The following CHODL variants were observed in gnomAD, a reference collection of about 807,000 sequenced individuals.
CHODL encodes chondrolectin, also known as transmembrane protein MT75.
CHODL carries 29 observed loss-of-function variants against 34.5 expected under a neutral mutation model. The observed-to-expected ratio is 0.84, with a 90% CI of 0.63 to 1.15. The LOEUF (loss-of-function observed/expected upper bound fraction) is 1.15. Among genes scored for constraint, CHODL ranks in the 50% most tolerant of loss-of-function variants. CHODL has a pLI of 0.00. For synonymous variants in CHODL, 125 were observed against 116.1 expected, an observed-to-expected ratio of 1.08 and a Z score of -0.49; for missense variants, 332 against 332.5, an observed-to-expected ratio of 1.00 and a Z score of 0.01.
chr21:18,221,638 A>C (rs1421739308), intron 2 of CHODL, among the ~76,000 whole-genome samples: 1 of 152,186 alleles, frequency 6.6e-6, no homozygotes, highest in Non-Finnish European at 1.5e-5. Context: ...ATTTGGCTAT[A>C]AGCAACACAC....
At chr21:18,043,015 GT>G (rs1234426558) in intron 2 of CHODL, among the ~76,000 whole-genome samples, 3 of 151,932 alleles carry the variant, frequency 2.0e-5, no homozygotes, top group Non-Finnish European at 2.9e-5. Context: ...ATTATTTGCT[GT>G]TCTGGAGAAA....
chr21:18,220,795 A>G lies in CHODL; in HGVS notation c.-44-35714A>G, dbSNP rs563140810. Among the ~76,000 whole-genome samples, 10 of 151,322 alleles carry G rather than the reference A, an allele frequency of 6.6e-5. No individual in the cohort carries two copies. In the South Asian group the frequency reaches 2.1e-3, roughly 31 times the overall value. ...TGATAATCCTTTTGTATGTGATTTG[A>G]TGCTTTTCTTTTGCTGTTTTTAGAA... On this transcript the variant is annotated intron_variant, in intron 2 of 6. Coordinates refer to the CHODL transcript ENST00000400127.
chr21:18,237,446 C>T (rs561076916), intron 2 of CHODL, among the ~76,000 whole-genome samples: 1 of 152,228 alleles, frequency 6.6e-6, no homozygotes, highest in African/African-American at 2.4e-5. Flanking sequence ...GCAAGCCTGA[C>T]ATCCTTGAGT....
intron 2 of CHODL, among the ~76,000 whole-genome samples, chr21:18,109,011 T>C (rs867030267): frequency 1.9e-4 from 29 of 151,384 alleles, no homozygotes; most frequent in African/African-American, 4.8e-4. Flanking sequence ...CCAGAACTTA[T>C]AGCAGAATGT....
At chr21:18,170,314 A>G (rs1045234817) in intron 2 of CHODL, among the ~76,000 whole-genome samples, 1 of 151,986 alleles carries the variant, frequency 6.6e-6, no homozygotes, top group African/African-American at 2.4e-5. Flanking sequence ...GTGTCTTTCA[A>G]ACTAAACTTG....
In CHODL at chr21:18,146,044, T is replaced by C. The variant is rs2072882995; in HGVS notation, c.-44-110465T>C. On this transcript the variant is annotated intron_variant, in intron 2 of 6. Transcript: ENST00000400127. ...AGTGCAGTGGAGCAATCTCGGATCA[T>C]TGCAACCTCTGCCTCCCAGGTTCAA... Among the ~76,000 whole-genome samples the C allele has an allele frequency of 2.6e-5, 4 of 152,090 alleles. No individual in the cohort carries two copies. In the South Asian group the frequency reaches 8.3e-4, roughly 32 times the overall value.
chr21:18,228,734 G>T (rs1055742032), intron 2 of CHODL, among the ~76,000 whole-genome samples: 2 of 152,024 alleles, frequency 1.3e-5, no homozygotes, highest in Non-Finnish European at 2.9e-5. Context: ...TCTCTTCTTA[G>T]TTTTGATTAG....
chr21:18,105,645 C>A (rs1453888601), intron 2 of CHODL, among the ~76,000 whole-genome samples: 1 of 152,144 alleles, frequency 6.6e-6, no homozygotes, highest in Non-Finnish European at 1.5e-5. Flanking sequence ...CAACCCATAT[C>A]AATCACATTG....
At chr21:18,239,241 T>A (rs2074058174) in intron 2 of CHODL, among the ~76,000 whole-genome samples, 1 of 152,140 alleles carries the variant, frequency 6.6e-6, no homozygotes, top group South Asian at 2.1e-4. Context: ...AAAGAAAGGT[T>A]TACGGGTGCT....
At chr21:18,147,561 A>C (rs1186895245) in intron 2 of CHODL, among the ~76,000 whole-genome samples, 1 of 152,228 alleles carries the variant, frequency 6.6e-6, no homozygotes, top group Non-Finnish European at 1.5e-5. Context: ...GGAGTTCTCA[A>C]CTTTGTCATA....
intron 1 of CHODL, among the ~76,000 whole-genome samples, chr21:18,001,105 G>A (rs987005149): frequency 7.9e-5 from 12 of 152,190 alleles, no homozygotes; most frequent in African/African-American, 2.9e-4. Flanking sequence ...CTGGGCATGG[G>A]CCATCCTATG....
chr21:18,097,692 A>G (rs1413295663), intron 2 of CHODL, among the ~76,000 whole-genome samples: 2 of 152,138 alleles, frequency 1.3e-5, no homozygotes, highest in East Asian at 3.8e-4. Context: ...TACCAATGAC[A>G]TTCTTCACAG....
At chr21:18,221,572 A>G (rs1482739047) in intron 2 of CHODL, among the ~76,000 whole-genome samples, 1 of 152,226 alleles carries the variant, frequency 6.6e-6, no homozygotes, top group Non-Finnish European at 1.5e-5. Context: ...TCAATTAGAT[A>G]GAATGCTTTC....
At chr21:17,967,491 G>T (rs978659408) in intron 1 of CHODL, among the ~76,000 whole-genome samples, 1 of 152,078 alleles carries the variant, frequency 6.6e-6, no homozygotes, top group Non-Finnish European at 1.5e-5. Context: ...TAAGAGCTTG[G>T]TTTTTCTTAT....
chr21:18,108,853 G>A (rs957995458), intron 2 of CHODL, among the ~76,000 whole-genome samples: 1 of 151,822 alleles, frequency 6.6e-6, no homozygotes, highest in African/African-American at 2.4e-5. Flanking sequence ...GTGTGTGTGT[G>A]TGTGTGTGTG....
intron 1 of CHODL, among the ~76,000 whole-genome samples, chr21:17,961,730 TG>T (rs2063533512): frequency 6.6e-6 from 1 of 152,150 alleles, no homozygotes; most frequent in Non-Finnish European, 1.5e-5. Context: ...GTCTTAGAGA[TG>T]GGATTAAATT....
chr21:17,994,972 TG>T (rs2063834737), intron 1 of CHODL, among the ~76,000 whole-genome samples: 1 of 152,088 alleles, frequency 6.6e-6, no homozygotes. Context: ...CCTTTGTTTG[TG>T]GGGCAACCTC....
At chr21:17,974,347 A>G (rs777665078) in intron 1 of CHODL, among the ~76,000 whole-genome samples, 1 of 152,142 alleles carries the variant, frequency 6.6e-6, no homozygotes, top group Non-Finnish European at 1.5e-5. Context: ...GTCTTGGCTC[A>G]CTGCAACCTC....
intron 2 of CHODL, among the ~76,000 whole-genome samples, chr21:18,127,983 GT>G (rs2072596297): frequency 1.3e-5 from 2 of 151,762 alleles, no homozygotes; most frequent in Admixed American, 1.3e-4. Context: ...TCCAAATTTT[GT>G]GAGAGATAAA....
Sources: gnomAD v4.1 joint callset for allele counts (sites outside exome capture counted in the v4.1 genomes callset) on GRCh38, gnomAD v4.1.1 for gene constraint, MANE v1.5 for transcripts, NCBI Gene and HGNC (gene_info 2026-07-23, HGNC 2026-07-21) for gene names.